UVSSA: variants seen among roughly 807,000 people sequenced by gnomAD.
The protein encoded by UVSSA is UV stimulated scaffold protein A.
UVSSA carries 72 observed loss-of-function variants against 73.9 expected under a neutral mutation model. That is an observed-to-expected ratio of 0.97 (90% CI 0.81 to 1.19). UVSSA has a LOEUF of 1.19. Among genes scored for constraint, UVSSA ranks in the 50% most tolerant of loss-of-function variants. The probability of loss-of-function intolerance (pLI) is 0.00; values close to 1 mark genes in which losing one functional copy is unlikely to be tolerated. For synonymous variants in UVSSA, 454 were observed against 391.3 expected (o/e 1.16, Z -1.89); for missense variants, 1,150 against 965.0 (o/e 1.19, Z -2.54).
At chr4:1,352,897 A>G (rs1251017933) in intron 4 of UVSSA, 133 bp from the exon 5 acceptor site, 118 of 1,244,858 alleles carry the variant, frequency 9.5e-5, no homozygotes, top group Non-Finnish European at 1.3e-4. Context: ...GTGAGCTGTG[A>G]TTGCACCACT....
intron 7 of UVSSA, 91 bp downstream of exon 7, chr4:1,355,336 C>G: frequency 3.8e-6 from 5 of 1,304,800 alleles, no homozygotes; most frequent in Non-Finnish European, 5.3e-6. Flanking sequence ...GGCCTGTGGG[C>G]CCGGCGGACC....
intron 7 of UVSSA, among the ~76,000 whole-genome samples, chr4:1,365,583 A>G (rs11247995): frequency 0.29 from 44,532 of 152,200 alleles, 7,887 homozygotes; most frequent in Non-Finnish European, 0.4. Context: ...GGATCCCCCC[A>G]CACCTACCCT....
At chr4:1,394,734 C>G (rs1174942594) in exon 14 of UVSSA, 1 of 1,597,594 alleles carries the variant, frequency 6.3e-7, no homozygotes, top group South Asian at 1.1e-5. Context: ...TGTGGAGTGC[C>G]CACCTGCTCA....
rs1426465714 is a variant in UVSSA, at chr4:1,387,696, A to G, written c.*1735A>G. ...TGTCCCAGCACCATTTGTTGAAAAC[A>G]TTATTTTTCCCCATTGAATTATCTT... On this transcript the variant is annotated 3_prime_UTR_variant, in exon 14 of 14. Transcript: ENST00000389851. The G allele has an allele frequency of 2.0e-5, 3 of 152,220 alleles. No individual in the cohort carries two copies. Among genetic ancestry groups the G allele is most frequent in the Non-Finnish European group, 4.4e-5 (3 of 68,038 alleles). 9.4% of individuals were successfully genotyped at this position (152,220 alleles called of 1,614,324 possible).
chr4:1,373,013 A>G (rs529674191), intron 8 of UVSSA, among the ~76,000 whole-genome samples: 1 of 152,310 alleles, frequency 6.6e-6, no homozygotes, highest in Admixed American at 6.5e-5. Flanking sequence ...GCAAACCTCA[A>G]AAGGCCTTGT....
At chr4:1,394,653 A>T in exon 14 of UVSSA, 5 of 1,371,606 alleles carry the variant, frequency 3.6e-6, no homozygotes, top group East Asian at 2.8e-5. Context: ...CTGCTCACAC[A>T]TGCCCATGTG....
intron 13 of UVSSA, 170 bp downstream of exon 13, chr4:1,384,110 C>G (rs1719830019): frequency 1.2e-6 from 1 of 828,984 alleles, no homozygotes. Context: ...AGGGGCAGTG[C>G]CAGCCAGCAG....
chr4:1,365,786 G>A (rs1717225970), intron 7 of UVSSA, among the ~76,000 whole-genome samples: 1 of 152,142 alleles, frequency 6.6e-6, no homozygotes, highest in Non-Finnish European at 1.5e-5. Context: ...GCTCCACCTG[G>A]TGGGAAGATA....
At chr4:1,352,590 C>G (rs1479971409) in intron 4 of UVSSA, among the ~76,000 whole-genome samples, 1 of 152,224 alleles carries the variant, frequency 6.6e-6, no homozygotes, top group African/African-American at 2.4e-5. Flanking sequence ...TGCTTGCTAC[C>G]CAGAGGTACA....
chr4:1,348,342 G>A (rs1421059593), intron 2 of UVSSA, among the ~76,000 whole-genome samples, 153 bp downstream of exon 2: 1 of 152,244 alleles, frequency 6.6e-6, no homozygotes, highest in African/African-American at 2.4e-5. Flanking sequence ...GGCTCTGACG[G>A]GTGGTCATGT....
intron 4 of UVSSA, 118 bp downstream of exon 4, chr4:1,351,953 A>G (rs1714826141): frequency 2.7e-6 from 4 of 1,473,002 alleles, no homozygotes; most frequent in African/African-American, 1.4e-5. Flanking sequence ...GAGACAGGCT[A>G]GGTGGAGAGG....
intron 10 of UVSSA, among the ~76,000 whole-genome samples, chr4:1,378,378 C>A (rs1577368288): frequency 6.6e-6 from 1 of 152,232 alleles, no homozygotes; most frequent in East Asian, 1.9e-4. Flanking sequence ...CATGACAAAA[C>A]CCCATCACTA....
chr4:1,373,748 G>C (rs1048316740), intron 8 of UVSSA, among the ~76,000 whole-genome samples: 1 of 152,096 alleles, frequency 6.6e-6, no homozygotes, highest in South Asian at 2.1e-4. Context: ...ACACCTGCGC[G>C]TCCCCCACAC....
chr4:1,345,331 CAGA>C (rs532482982), upstream of UVSSA, among the ~76,000 whole-genome samples: 23 of 152,206 alleles, frequency 1.5e-4, no homozygotes, highest in African/African-American at 5.5e-4. Context: ...TCCAAGCGAA[CAGA>C]AGGATGCAGG....
At chr4:1,360,019 C>G (rs1468577512) in intron 7 of UVSSA, among the ~76,000 whole-genome samples, 2 of 152,216 alleles carry the variant, frequency 1.3e-5, no homozygotes, top group African/African-American at 4.8e-5. Flanking sequence ...AAACGTGGAC[C>G]CACCAGGCAC....
chr4:1,378,436 C>G (rs1488924550), intron 10 of UVSSA, among the ~76,000 whole-genome samples: 1 of 152,192 alleles, frequency 6.6e-6, no homozygotes, highest in Non-Finnish European at 1.5e-5. Flanking sequence ...GCCTGTAATC[C>G]CAGCTACTCG....
chr4:1,353,305 G>T lies in UVSSA; in HGVS notation c.826G>T (p.Ala276Ser), dbSNP rs748069227. The T allele has an allele frequency of 2.7e-5, 44 of 1,611,402 alleles. 1 individual carries two copies. The highest frequency in any genetic ancestry group is 2.4e-4 in the South Asian group (22 of 91,074). The change falls in exon 5 of 14, where the codon GCC becomes TCC. Residue 276 changes from alanine (A) to serine (S), a missense_variant. By Grantham distance (99) the Ala-to-Ser change is moderately conservative. Transcript: ENST00000389851. ...CGGCGGGGCACAGCCATCCCAGACA[G>T]CCACAGGTGACCCCTCAGATGAGGA... Reference protein sequence around the residue: ...AGGGAQPSQTATGDPSDEDED... With the variant: ...AGGGAQPSQTSTGDPSDEDED...
At chr4:1,379,815 G>A (rs1451272792) in intron 10 of UVSSA, among the ~76,000 whole-genome samples, 3 of 23,856 alleles carry the variant, frequency 1.3e-4, no homozygotes, top group African/African-American at 9.5e-4. Flanking sequence ...GCTGGTTCAC[G>A]TGGCATCAGA....
At chr4:1,368,207 G>C (rs1717586428) in intron 8 of UVSSA, among the ~76,000 whole-genome samples, 1 of 152,268 alleles carries the variant, frequency 6.6e-6, no homozygotes, top group Non-Finnish European at 1.5e-5. Context: ...ACTGACCCTT[G>C]GCCTGTAGTG....
Sources: gnomAD v4.1 joint callset for allele counts (sites outside exome capture counted in the v4.1 genomes callset) on GRCh38, gnomAD v4.1.1 for gene constraint, MANE v1.5 for transcripts, NCBI Gene and HGNC (gene_info 2026-07-23, HGNC 2026-07-21) for gene names.